The following CFAP54 variants were observed in gnomAD, a reference collection of about 807,000 sequenced individuals.
CFAP54 encodes the protein cilia- and flagella-associated protein 54.
A neutral mutation model predicts 370.4 loss-of-function variants in CFAP54; 290 were observed. That is an observed-to-expected ratio of 0.78 (90% CI 0.71 to 0.86). The LOEUF is 0.86. CFAP54 is among the 40% of genes least tolerant of loss of function. The pLI is 0.00. For missense variants in CFAP54, 3,399 were observed against 3,528.7 expected (o/e 0.96, Z 0.93); for synonymous variants, 1,206 against 1,236.5 (o/e 0.98, Z 0.52).
chr12:96,725,175 A>T (rs1289054180), intron 50 of CFAP54, among the ~76,000 whole-genome samples: 1 of 151,972 alleles, frequency 6.6e-6, no homozygotes, highest in Admixed American at 6.6e-5. Context: ...TTTTGGTTCC[A>T]TATGAACTTT....
chr12:96,757,633 G>A (rs979488873), intron 58 of CFAP54, 45 bp downstream of exon 58: 3 of 1,198,084 alleles, frequency 2.5e-6, no homozygotes, highest in African/African-American at 3.0e-5. Flanking sequence ...TTGCCTTTGA[G>A]CTTGCTATTT....
intron 35 of CFAP54, among the ~76,000 whole-genome samples, chr12:96,650,427 C>T (rs1371504002): frequency 6.6e-6 from 1 of 152,118 alleles, no homozygotes; most frequent in African/African-American, 2.4e-5. Context: ...TCTATGGGGA[C>T]TTGATCTCTC....
intron 22 of CFAP54, among the ~76,000 whole-genome samples, chr12:96,586,250 G>A (rs529943218): frequency 5.9e-5 from 9 of 152,260 alleles, no homozygotes; most frequent in African/African-American, 2.2e-4. Context: ...TTTCTAACAA[G>A]TTCCTGGGTG....
chr12:96,611,778 G>A (rs936549163), intron 26 of CFAP54, among the ~76,000 whole-genome samples: 1 of 152,212 alleles, frequency 6.6e-6, no homozygotes, highest in African/African-American at 2.4e-5. Context: ...CTGGATTGAA[G>A]TTGATTCGAT....
chr12:96,739,171 T>C (rs1000465398), intron 50 of CFAP54, among the ~76,000 whole-genome samples: 1 of 151,128 alleles, frequency 6.6e-6, no homozygotes, highest in Non-Finnish European at 1.5e-5. Context: ...CTTCATCCAG[T>C]TTTTTTTTAA....
chr12:96,529,964 T>C (rs1055262284), intron 9 of CFAP54, among the ~76,000 whole-genome samples: 2 of 152,210 alleles, frequency 1.3e-5, no homozygotes, highest in African/African-American at 4.8e-5. Flanking sequence ...GTTTCTTCCT[T>C]AAGTTTATGA....
At chr12:96,726,823 A>G (rs1439648959) in intron 50 of CFAP54, among the ~76,000 whole-genome samples, 1 of 151,754 alleles carries the variant, frequency 6.6e-6, no homozygotes, top group Non-Finnish European at 1.5e-5. Flanking sequence ...AGTGCTATAA[A>G]TTTCCCTCTA....
chr12:96,702,627 T>A (rs1362516264), intron 46 of CFAP54, among the ~76,000 whole-genome samples: 1 of 152,226 alleles, frequency 6.6e-6, no homozygotes, highest in Non-Finnish European at 1.5e-5. Context: ...TATCAACTAG[T>A]TTTCATAAGA....
chr12:96,705,922 C>T (rs565778968), intron 47 of CFAP54, among the ~76,000 whole-genome samples: 13 of 140,822 alleles, frequency 9.2e-5, no homozygotes, highest in African/African-American at 3.2e-4. Flanking sequence ...AAGTTTCATG[C>T]TTCAAGCTCT....
At chr12:96,555,826 C>G (rs562551272) in intron 17 of CFAP54, among the ~76,000 whole-genome samples, 22 of 151,730 alleles carry the variant, frequency 1.4e-4, no homozygotes, top group Non-Finnish European at 1.9e-4. Flanking sequence ...CAGTTTTATT[C>G]AAATAGATCT....
Position 96,564,719 on chromosome 12 carries a change from T to C in CFAP54, c.2573T>C (p.Ile858Thr), listed in dbSNP as rs1955848499. The change falls in exon 19 of 68, where the codon ATA (isoleucine) becomes ACA (threonine). Residue 858 changes from isoleucine (I) to threonine (T), a missense_variant. Coordinates refer to ENST00000524981, the MANE Select transcript of CFAP54 (RefSeq NM_001306084.2). ...AIYLMQKALL[I>T]FEKDATSTSS... is the part of the protein sequence containing the mutation. ...TACTTAATGCAGAAAGCTCTTTTAA[T>C]ATTCGAGAAAGATGCAACTTCTACA... 1 of 632,274 alleles carries C rather than the reference T, an allele frequency of 1.6e-6. No homozygotes were observed. Among genetic ancestry groups the C allele is most frequent in the Admixed American group, 2.8e-5 (1 of 35,124 alleles). The allele number at this position is 632,274 out of a possible 1,614,324, so 39.2% of individuals were successfully genotyped here.
At chr12:96,857,461 C>T (rs1489688792) in intron 66 of CFAP54, among the ~76,000 whole-genome samples, 1 of 152,202 alleles carries the variant, frequency 6.6e-6, no homozygotes, top group Non-Finnish European at 1.5e-5. Flanking sequence ...CCACAAAAGA[C>T]ATGATCACGT....
intron 9 of CFAP54, among the ~76,000 whole-genome samples, chr12:96,533,574 G>T (rs1044589549): frequency 2.6e-5 from 4 of 151,904 alleles, no homozygotes; most frequent in Admixed American, 2.6e-4. Flanking sequence ...TTCCCTAACT[G>T]CCCTCCTTCC....
intron 58 of CFAP54, among the ~76,000 whole-genome samples, chr12:96,759,555 T>C (rs188645300): frequency 1.3e-5 from 2 of 152,324 alleles, no homozygotes; most frequent in Admixed American, 6.5e-5. Context: ...TTTAAAAAAT[T>C]CATGCAGACA....
intron 60 of CFAP54, among the ~76,000 whole-genome samples, chr12:96,781,389 G>T (rs1462132409): frequency 6.6e-6 from 1 of 152,102 alleles, no homozygotes; most frequent in Non-Finnish European, 1.5e-5. Flanking sequence ...TTTGTGCTGA[G>T]AATTTTATCC....
chr12:96,714,440 G>A (rs1447679150), intron 48 of CFAP54, among the ~76,000 whole-genome samples: 14 of 152,144 alleles, frequency 9.2e-5, no homozygotes, highest in African/African-American at 1.4e-4. Context: ...AAGACCACAC[G>A]TCATCTCCAT....
intron 59 of CFAP54, 51 bp downstream of exon 59, chr12:96,764,300 T>C (rs758264286): frequency 7.2e-7 from 1 of 1,393,498 alleles, no homozygotes. Context: ...ATCTGTATTC[T>C]CTGCCTTTAA....
intron 22 of CFAP54, among the ~76,000 whole-genome samples, 166 bp from the exon 23 acceptor site, chr12:96,589,261 C>A (rs1211973741): frequency 6.6e-6 from 1 of 152,186 alleles, no homozygotes; most frequent in African/African-American, 2.4e-5. Context: ...CGTTACCTGA[C>A]CATGGCACTA....
intron 50 of CFAP54, among the ~76,000 whole-genome samples, chr12:96,727,224 G>A (rs1367189967): frequency 5.3e-5 from 8 of 152,016 alleles, no homozygotes; most frequent in Admixed American, 4.6e-4. Context: ...CAATTCCTGG[G>A]TATCTTTGTT....
Sources: gnomAD v4.1 joint callset for allele counts (sites outside exome capture counted in the v4.1 genomes callset) on GRCh38, gnomAD v4.1.1 for gene constraint, MANE v1.5 for transcripts, NCBI Gene and HGNC (gene_info 2026-07-23, HGNC 2026-07-21) for gene names.